The following TRPS1 variants were observed in gnomAD, a reference collection of about 807,000 sequenced individuals.
TRPS1 encodes the protein transcriptional repressor GATA binding 1, also known as zinc finger transcription factor Trps1.
A neutral mutation model predicts 101.2 loss-of-function variants in TRPS1; 6 were observed. The observed-to-expected ratio is 0.06, with a 90% CI of 0.03 to 0.12. TRPS1 has a LOEUF of 0.12. TRPS1 is among the 10% of genes least tolerant of loss of function. The pLI is 1.00. For missense variants in TRPS1, 1,363 were observed against 1,567.0 expected (o/e 0.87, Z 2.20); for synonymous variants, 578 against 589.8 (o/e 0.98, Z 0.29).
chr8:115,435,485 C>T (rs1171445662), intron 5 of TRPS1, among the ~76,000 whole-genome samples: 1 of 152,080 alleles, frequency 6.6e-6, no homozygotes, highest in Non-Finnish European at 1.5e-5. Flanking sequence ...GCAGTTCCCA[C>T]GAGGTCCTCA....
At chr8:115,425,443 C>A (rs563045556) in intron 5 of TRPS1, among the ~76,000 whole-genome samples, 1 of 152,306 alleles carries the variant, frequency 6.6e-6, no homozygotes, top group African/African-American at 2.4e-5. Flanking sequence ...ACTAAACTGG[C>A]ATCTCTGGCT....
In TRPS1 at chr8:115,418,212, A is replaced by G; in HGVS notation, c.2823+118T>C. The G allele has an allele frequency of 6.4e-7, 1 of 1,562,802 alleles. No individual in the cohort carries two copies. The highest frequency in any genetic ancestry group is 1.1e-5 in the South Asian group (1 of 89,460). ...TCACATGTGCACTCAAAGTGACTGT[A>G]TTAAAACAACCCTGCGGGGGCAGGC... On this transcript the variant is annotated intron_variant, in intron 6 of 6. Transcript: ENST00000395715. This position sits in a 1 kb window ranked among gnomAD's most constrained non-coding sequence, Gnocchi z 4.3.
At chr8:115,648,238 C>G (rs1318867955) in intron 1 of TRPS1, among the ~76,000 whole-genome samples, 1 of 151,218 alleles carries the variant, frequency 6.6e-6, no homozygotes, top group African/African-American at 2.4e-5. Context: ...TGGGAAGAAG[C>G]GGGCAGGAGG....
chr8:115,621,032 C>G lies in TRPS1; in HGVS notation c.38-972G>C, dbSNP rs73365590. ...TACACATTAGCTCAACCATGTCTCT[C>G]AAGTTAAGTTAGTGACATCAGTGAC... On this transcript the variant is annotated intron_variant, in intron 2 of 6. Transcript: ENST00000395715. Among the ~76,000 whole-genome samples the G allele has an allele frequency of 4.2e-3, 633 of 152,296 alleles. 4 individuals are homozygous for G. Among genetic ancestry groups the G allele is most frequent in the African/African-American group, 0.014 (593 of 41,560 alleles).
intron 5 of TRPS1, among the ~76,000 whole-genome samples, chr8:115,531,222 A>G (rs553615668): frequency 1.0e-3 from 158 of 152,334 alleles, no homozygotes; most frequent in Non-Finnish European, 1.8e-3. Context: ...AATTTTGAGA[A>G]GGAAACATCA....
intron 5 of TRPS1, among the ~76,000 whole-genome samples, chr8:115,498,370 CCCGTCTCTCTCTCT>C (rs544176000): frequency 2.5e-4 from 12 of 48,896 alleles, no homozygotes; most frequent in East Asian, 1.3e-3. Context: ...AAAGAGAGAG[CCCGTCTCTCTCTCT>C]CTCTCTCTCT....
rs541265661 is a variant in TRPS1, at chr8:115,489,547, G to A, written c.2701-71095C>T. 7.9e-5 allele frequency among the ~76,000 whole-genome samples: 12 copies of A among 152,162 alleles called. No homozygotes were observed. The South Asian group carries it at 2.3e-3, about 29-fold the overall frequency. On this transcript the variant is annotated intron_variant, in intron 5 of 6. Coordinates refer to ENST00000395715, the MANE Select transcript of TRPS1 (RefSeq NM_014112.5). ...TGGATTTTTAAACATTAATTAAAGA[G>A]TGTACATTTTGTTTTCATTTATTTG...
intron 5 of TRPS1, among the ~76,000 whole-genome samples, chr8:115,434,379 C>T (rs1271983933): frequency 6.6e-6 from 1 of 152,114 alleles, no homozygotes; most frequent in Non-Finnish European, 1.5e-5. Context: ...CTTTATTGTG[C>T]TATGCAATAT....
At chr8:115,646,000 G>A (rs565213730) in intron 1 of TRPS1, among the ~76,000 whole-genome samples, 1 of 152,052 alleles carries the variant, frequency 6.6e-6, no homozygotes, top group East Asian at 1.9e-4. Flanking sequence ...GTTCCTGTCC[G>A]TAAATATCCT....
chr8:115,465,554 T>C (rs993391398), intron 5 of TRPS1, among the ~76,000 whole-genome samples: 7 of 152,138 alleles, frequency 4.6e-5, no homozygotes, highest in Non-Finnish European at 8.8e-5. Context: ...CATTGACCTA[T>C]AAAATTCTCT....
At chr8:115,480,911 C>T (rs1296009086) in intron 5 of TRPS1, among the ~76,000 whole-genome samples, 2 of 151,708 alleles carry the variant, frequency 1.3e-5, no homozygotes, top group Non-Finnish European at 2.9e-5. Flanking sequence ...TAAAATAAGT[C>T]GACAGAATTA....
chr8:115,486,922 T>C (rs943009160), intron 5 of TRPS1, among the ~76,000 whole-genome samples: 1 of 152,190 alleles, frequency 6.6e-6, no homozygotes, highest in Non-Finnish European at 1.5e-5. Context: ...TGAAGATAGC[T>C]GCAATAAACA....
At chr8:115,496,226 C>A (rs1815145950) in intron 5 of TRPS1, among the ~76,000 whole-genome samples, 1 of 152,150 alleles carries the variant, frequency 6.6e-6, no homozygotes, top group Non-Finnish European at 1.5e-5. Context: ...AAGAAACTAT[C>A]AATAGAACCC....
At chr8:115,546,284 T>A (rs543412585) in intron 5 of TRPS1, among the ~76,000 whole-genome samples, 1 of 152,048 alleles carries the variant, frequency 6.6e-6, no homozygotes, top group Non-Finnish European at 1.5e-5. Flanking sequence ...TGCAATAGTT[T>A]TAACAAGATT....
At position 115,534,551 on chromosome 8, in the gene TRPS1, G is replaced by A. The variant is rs188426194; in HGVS notation, c.2700+52450C>T. 8.5e-5 allele frequency among the ~76,000 whole-genome samples: 13 copies of A among 152,368 alleles called. 1 individual carries two copies. The East Asian group carries it at 2.5e-3, about 29-fold the overall frequency. On this transcript the variant is annotated intron_variant, in intron 5 of 6. Transcript: ENST00000395715. Reference sequence around the variant, plus strand: ...CCCCCGGTGTGATGGTATTTGGGGAGCAACATTCAGTCATAACACATGGCA... The same window carrying A: ...CCCCCGGTGTGATGGTATTTGGGGAACAACATTCAGTCATAACACATGGCA...
At chr8:115,528,727 A>C (rs547401164) in intron 5 of TRPS1, among the ~76,000 whole-genome samples, 12 of 152,178 alleles carry the variant, frequency 7.9e-5, no homozygotes, top group Admixed American at 7.9e-4. Context: ...ACTTTATTAT[A>C]AATAGTCTCT....
chr8:115,417,006 T>C (rs1812938133), intron 6 of TRPS1, among the ~76,000 whole-genome samples: 2 of 152,214 alleles, frequency 1.3e-5, no homozygotes, highest in South Asian at 2.1e-4. Flanking sequence ...TTTCAATGTA[T>C]GGTTTTTTAA....
intron 6 of TRPS1, among the ~76,000 whole-genome samples, chr8:115,416,892 T>C (rs573459212): frequency 7.9e-5 from 12 of 152,260 alleles, no homozygotes; most frequent in South Asian, 2.1e-4. Context: ...CATTATTTAA[T>C]CTATACACTG....
At chr8:115,436,084 A>T (rs1442212593) in intron 5 of TRPS1, among the ~76,000 whole-genome samples, 2 of 151,236 alleles carry the variant, frequency 1.3e-5, no homozygotes, top group African/African-American at 4.9e-5. Context: ...GTGAGACTCA[A>T]ATAAGCCTTT....
Sources: gnomAD v4.1 joint callset for allele counts (sites outside exome capture counted in the v4.1 genomes callset) on GRCh38, gnomAD v4.1.1 for gene constraint, Gnocchi (gnomAD v3.1) non-coding constraint, MANE v1.5 for transcripts, NCBI Gene and HGNC (gene_info 2026-07-23, HGNC 2026-07-21) for gene names.